SLC26A7: variants seen among roughly 807,000 people sequenced by gnomAD.
The protein encoded by SLC26A7 is anion exchange transporter.
A neutral mutation model predicts 82.5 loss-of-function variants in SLC26A7; 59 were observed. The ratio of observed to expected loss-of-function variants is 0.72; its 90% CI spans 0.58 to 0.89. The LOEUF (loss-of-function observed/expected upper bound fraction) is 0.89. Ranked by LOEUF, SLC26A7 falls within the 40% of genes least tolerant of loss-of-function variation. SLC26A7 has a pLI of 0.00. For synonymous variants in SLC26A7, 271 were observed against 274.3 expected (o/e 0.99, Z 0.12); for missense variants, 820 against 793.0 (o/e 1.03, Z -0.41).
chr8:91,377,237 A>G (rs1042912574), intron 15 of SLC26A7, among the ~76,000 whole-genome samples: 1 of 152,132 alleles, frequency 6.6e-6, no homozygotes, highest in African/African-American at 2.4e-5. Context: ...TGAGTCTGCA[A>G]TAGTGGATGA....
At chr8:91,342,379 TG>T (rs1334227078) in intron 8 of SLC26A7, among the ~76,000 whole-genome samples, 2 of 152,182 alleles carry the variant, frequency 1.3e-5, no homozygotes, top group Non-Finnish European at 2.9e-5. Context: ...CACAGCTCTA[TG>T]GGGCAGGGAT....
At chr8:91,287,576 C>T (rs1178436105) in intron 2 of SLC26A7, among the ~76,000 whole-genome samples, 1 of 152,204 alleles carries the variant, frequency 6.6e-6, no homozygotes, top group Admixed American at 6.5e-5. Context: ...TTCTTCTCCA[C>T]CACTGATTTA....
intron 1 of SLC26A7, chr8:91,218,782 G>A (rs562068853): frequency 2.7e-5 from 17 of 639,078 alleles, no homozygotes; most frequent in East Asian, 8.7e-5. Flanking sequence ...AGAATAGTGC[G>A]TCTTTAGAAG....
chr8:91,387,762 T>G (rs1243379733), intron 15 of SLC26A7, among the ~76,000 whole-genome samples: 2 of 152,226 alleles, frequency 1.3e-5, no homozygotes, highest in Non-Finnish European at 2.9e-5. Context: ...TATATACCAT[T>G]GCTATCCTTG....
At chr8:91,369,711 GA>G in intron 14 of SLC26A7, 73 bp from the exon 15 acceptor site, 2 of 1,118,964 alleles carry the variant, frequency 1.8e-6, no homozygotes, top group Non-Finnish European at 2.5e-6. Flanking sequence ...ATAAGTAAAA[GA>G]ATTATGTGAT....
At position 91,367,039 on chromosome 8, in the gene SLC26A7, G is replaced by A. The variant is rs1438744316; in HGVS notation, c.1626+322G>A. On this transcript the variant is annotated intron_variant, in intron 14 of 18. Transcript: ENST00000276609. ...TTTTTTTTTTTTGAGATGGAGTCTC[G>A]CTGTGTCACCCAGGCTGGAGTGCAG... 9.3e-5 allele frequency among the ~76,000 whole-genome samples: 14 copies of A among 150,562 alleles called. No homozygotes were observed. In the East Asian group the frequency reaches 2.0e-3, roughly 21 times the overall value.
rs549061897 is a variant in SLC26A7 at position 91,361,923 on chromosome 8, T to C, written c.1315-430T>C. 3.3e-5 allele frequency among the ~76,000 whole-genome samples: 5 copies of C among 152,230 alleles called. No homozygotes were observed. The East Asian group carries it at 9.6e-4, about 29-fold the overall frequency. On this transcript the variant is annotated intron_variant, in intron 11 of 18. Transcript: ENST00000276609. ...AGCCTTATGTATTAATAAACAACCT[T>C]AGTTATTTTTATAGCAGTCCTAGAA...
intron 3 of SLC26A7, among the ~76,000 whole-genome samples, chr8:91,290,469 A>G (rs1460375204): frequency 6.6e-6 from 1 of 152,176 alleles, no homozygotes; most frequent in Non-Finnish European, 1.5e-5. Context: ...TCTAGTTTCT[A>G]GAGGCTTCCT....
intron 4 of SLC26A7, among the ~76,000 whole-genome samples, chr8:91,300,132 AT>A (rs1460125062): frequency 2.0e-5 from 3 of 152,146 alleles, no homozygotes; most frequent in African/African-American, 7.2e-5. Context: ...GATGCCTTTC[AT>A]TTTGTTCAAA....
chr8:91,213,304 C>T (rs2130649599), intron 1 of SLC26A7, among the ~76,000 whole-genome samples: 2 of 152,164 alleles, frequency 1.3e-5, no homozygotes, highest in Middle Eastern at 3.4e-3. Context: ...GTCGTCTAAG[C>T]CAAGATGCTT....
At chr8:91,385,622 T>C (rs1011175372) in intron 15 of SLC26A7, among the ~76,000 whole-genome samples, 1 of 152,140 alleles carries the variant, frequency 6.6e-6, no homozygotes, top group Non-Finnish European at 1.5e-5. Flanking sequence ...ATACAAATAC[T>C]TCAATTAAAG....
At chr8:91,371,899 C>A (rs1446556553) in intron 15 of SLC26A7, among the ~76,000 whole-genome samples, 1 of 151,934 alleles carries the variant, frequency 6.6e-6, no homozygotes, top group Non-Finnish European at 1.5e-5. Flanking sequence ...TTACCAACAT[C>A]TGTTAGTTTT....
At chr8:91,233,407 A>G (rs528968465) in intron 2 of SLC26A7, among the ~76,000 whole-genome samples, 8 of 152,120 alleles carry the variant, frequency 5.3e-5, no homozygotes, top group African/African-American at 1.4e-4. Context: ...TCTCTACTAA[A>G]AATTCAAAAA....
intron 4 of SLC26A7, among the ~76,000 whole-genome samples, chr8:91,308,597 G>C (rs1462607308): frequency 3.3e-5 from 5 of 152,122 alleles, no homozygotes; most frequent in Non-Finnish European, 5.9e-5. Context: ...ATTATGAATA[G>C]CCCACACTTA....
rs373426570 is a variant in SLC26A7 at position 91,315,471 on chromosome 8, A to AAT, written c.478-2745_478-2744insAT. Among the ~76,000 whole-genome samples the AAT allele has an allele frequency of 9.3e-3, 1,410 of 151,330 alleles. 18 individuals are homozygous for AAT. The highest frequency in any genetic ancestry group is 0.031 in the African/African-American group (1,264 of 41,012). ...CAAGAGCTGCCAAAAAAAAAAAAAA[A>AAT]CACCATGTTCCACTTGTGCCCACAC... On this transcript the variant is annotated intron_variant, in intron 4 of 18. Coordinates refer to ENST00000276609, the MANE Select transcript of SLC26A7 (RefSeq NM_052832.4).
intron 2 of SLC26A7, among the ~76,000 whole-genome samples, chr8:91,258,876 T>G (rs1810881086): frequency 6.6e-6 from 1 of 152,102 alleles, no homozygotes; most frequent in Non-Finnish European, 1.5e-5. Context: ...TATCTTAAAC[T>G]CCAACAAAAC....
chr8:91,355,278 C>G (rs1485988676), intron 11 of SLC26A7, among the ~76,000 whole-genome samples: 2 of 152,048 alleles, frequency 1.3e-5, no homozygotes, highest in African/African-American at 4.8e-5. Context: ...CACTCAGTCT[C>G]AAATTTCTGA....
intron 3 of SLC26A7, among the ~76,000 whole-genome samples, chr8:91,295,116 T>TATTTA (rs1465697265): frequency 6.6e-6 from 1 of 152,186 alleles, no homozygotes; most frequent in Non-Finnish European, 1.5e-5. Context: ...TACTGAAATG[T>TATTTA]AGGCATTATT....
In SLC26A7 at chr8:91,373,875, G is replaced by GT. The variant is rs571459724; in HGVS notation, c.1675+4050dup. 2.1e-4 allele frequency among the ~76,000 whole-genome samples: 32 copies of GT among 151,742 alleles called. No homozygotes were observed. In the East Asian group the frequency reaches 5.4e-3, roughly 26 times the overall value. On this transcript the variant is annotated intron_variant, in intron 15 of 18. Transcript: ENST00000276609. ...GTCCTGGACTTCTTTTTGGTTGGTA[G>GT]TTTTTTTTATTATGAATAAATCTCA...
Sources: allele counts gnomAD v4.1 joint callset (sites outside exome capture counted in the v4.1 genomes callset), GRCh38; gene constraint gnomAD v4.1.1; transcripts MANE v1.5; gene names NCBI Gene and HGNC (gene_info 2026-07-23, HGNC 2026-07-21).